Variants in USP34 observed in about 807,000 individuals in gnomAD.
USP34 encodes ubiquitin carboxyl-terminal hydrolase 34.
A neutral mutation model predicts 460.3 loss-of-function variants in USP34; 70 were observed. The ratio of observed to expected loss-of-function variants is 0.15; its 90% CI spans 0.13 to 0.19. USP34 has a LOEUF of 0.19. Among genes scored for constraint, USP34 ranks in the 10% least tolerant of loss-of-function variants. The pLI, the probability that USP34 is intolerant of heterozygous loss-of-function variation, is 1.00. For synonymous variants in USP34, 1,647 were observed against 1,405.3 expected, an observed-to-expected ratio of 1.17 and a Z score of -3.85; for missense variants, 3,985 against 4,236.2, an observed-to-expected ratio of 0.94 and a Z score of 1.65.
intron 43 of USP34, among the ~76,000 whole-genome samples, chr2:61,262,865 T>G (rs1301258941): frequency 6.6e-6 from 1 of 152,220 alleles, no homozygotes; most frequent in Non-Finnish European, 1.5e-5. Flanking sequence ...GACTTTTTAT[T>G]AACAGCTATT....
intron 8 of USP34, among the ~76,000 whole-genome samples, chr2:61,373,497 G>T (rs1212693140): frequency 6.6e-6 from 1 of 151,488 alleles, no homozygotes; most frequent in East Asian, 1.9e-4. Flanking sequence ...AGGTTCAGTG[G>T]TTATACCAAT....
chr2:61,335,864 T>C (rs1691400442), intron 18 of USP34, among the ~76,000 whole-genome samples: 1 of 152,210 alleles, frequency 6.6e-6, no homozygotes, highest in South Asian at 2.1e-4. Context: ...GTTTGTGTTG[T>C]AACCAAAAGC....
intron 2 of USP34, 50 bp downstream of exon 2, chr2:61,420,685 AAATCGCAACTT>A: frequency 2.3e-6 from 3 of 1,313,482 alleles, no homozygotes. Flanking sequence ...GTGACAATAA[AAATCGCAACTT>A]ATAACACAAC....
chr2:61,236,512 T>A (rs1437891503), intron 53 of USP34, 123 bp from the exon 54 acceptor site: 2 of 695,984 alleles, frequency 2.9e-6, no homozygotes, highest in African/African-American at 3.6e-5. Flanking sequence ...CCATGCACTT[T>A]AAGTTCATTT....
intron 42 of USP34, 100 bp from the exon 43 acceptor site, chr2:61,265,657 A>C: frequency 2.1e-5 from 22 of 1,052,242 alleles, no homozygotes; most frequent in Non-Finnish European, 2.5e-5. Context: ...TAGTTACCTC[A>C]TTAATATATA....
rs1447437329 is a variant in USP34 at position 61,459,151 on chromosome 2, T to A, written c.43+11499A>T. On this transcript the variant is annotated intron_variant, in intron 1 of 79. Transcript: ENST00000398571. ...TTCCTTTAATGGTTTCTTATGAGTTTCCCAACTTCCACAGTCAGGGTCCTC... is the reference window on the plus strand; with the variant it reads ...TTCCTTTAATGGTTTCTTATGAGTTACCCAACTTCCACAGTCAGGGTCCTC... Among the ~76,000 whole-genome samples the A allele has an allele frequency of 2.6e-5, 4 of 152,100 alleles. No homozygotes were observed. In the East Asian group the frequency reaches 7.7e-4, roughly 29 times the overall value.
intron 18 of USP34, among the ~76,000 whole-genome samples, chr2:61,338,500 GA>G (rs1691495165): frequency 6.6e-6 from 1 of 152,170 alleles, no homozygotes; most frequent in East Asian, 1.9e-4. Context: ...TTCAATAGGG[GA>G]AAAAAATATT....
At chr2:61,381,157 G>A (rs1286243427) in intron 6 of USP34, among the ~76,000 whole-genome samples, 2 of 149,490 alleles carry the variant, frequency 1.3e-5, no homozygotes, top group Non-Finnish European at 3.0e-5. Flanking sequence ...ATTGTCCTAT[G>A]ACCCTGCCAA....
intron 39 of USP34, among the ~76,000 whole-genome samples, chr2:61,279,484 A>G (rs903879316): frequency 2.6e-5 from 4 of 151,916 alleles, no homozygotes; most frequent in Non-Finnish European, 5.9e-5. Context: ...TTTTTTTTTG[A>G]GACGGAGTTT....
chr2:61,301,549 T>C (rs1690225546), intron 27 of USP34, 95 bp from the exon 28 acceptor site: 1 of 1,060,328 alleles, frequency 9.4e-7, no homozygotes, highest in Non-Finnish European at 1.4e-6. Context: ...ACACACTGTA[T>C]GTTAAGTTTA....
chr2:61,299,125 T>G (rs577298762), intron 29 of USP34, among the ~76,000 whole-genome samples: 1 of 152,070 alleles, frequency 6.6e-6, no homozygotes, highest in Non-Finnish European at 1.5e-5. Context: ...TTCTTGGGAA[T>G]TTAAGAATGT....
chr2:61,351,700 A>G (rs1357082688), intron 10 of USP34, among the ~76,000 whole-genome samples: 1 of 152,184 alleles, frequency 6.6e-6, no homozygotes, highest in African/African-American at 2.4e-5. Flanking sequence ...GTAAATATGC[A>G]CAACCTAATA....
In USP34 at chr2:61,434,910, G is replaced by T. The variant is rs574402667; in HGVS notation, c.44-14077C>A. ...AGAAATATATAAAATGCCAGAAAAA[G>T]AACTCAAAATAACGATCTTAAGGAA... On this transcript the variant is annotated intron_variant, in intron 1 of 79. Transcript: ENST00000398571. Among the ~76,000 whole-genome samples the T allele has an allele frequency of 8.5e-5, 13 of 152,136 alleles. 1 individual carries two copies. The South Asian group carries it at 2.3e-3, about 27-fold the overall frequency.
intron 21 of USP34, among the ~76,000 whole-genome samples, chr2:61,321,255 G>A (rs1451095579): frequency 6.6e-6 from 1 of 151,772 alleles, no homozygotes; most frequent in Non-Finnish European, 1.5e-5. Flanking sequence ...GGCAGATCAT[G>A]AGGTCAGGAG....
chr2:61,190,093 T>TAGC, intron 78 of USP34, 178 bp downstream of exon 78: 1 of 638,310 alleles, frequency 1.6e-6, no homozygotes, highest in Non-Finnish European at 2.5e-6. Flanking sequence ...GGTGATAGAG[T>TAGC]GTGCTGTGTA....
intron 3 of USP34, among the ~76,000 whole-genome samples, chr2:61,396,968 G>A (rs1287719573): frequency 2.6e-5 from 4 of 152,060 alleles, no homozygotes; most frequent in Admixed American, 6.6e-5. Flanking sequence ...TGAAAATAAG[G>A]TAGAATCTTA....
intron 1 of USP34, among the ~76,000 whole-genome samples, chr2:61,445,257 C>T (rs3980929): frequency 2.0e-5 from 3 of 148,454 alleles, no homozygotes; most frequent in South Asian, 2.1e-4. Flanking sequence ...AAATGCTGGC[C>T]GGGCCCGGTG....
chr2:61,349,590 C>A (rs1691882129), intron 12 of USP34, among the ~76,000 whole-genome samples: 1 of 152,032 alleles, frequency 6.6e-6, no homozygotes, highest in Non-Finnish European at 1.5e-5. Flanking sequence ...CCTGTAACCC[C>A]AGCATTTTAG....
chr2:61,265,194 GAACTA>G lies in USP34; in HGVS notation c.5778+198_5778+202del, dbSNP rs1689012109. On this transcript the variant is annotated intron_variant, in intron 43 of 79. Transcript: ENST00000398571. ...ATTCCATAGCTGTGTTTTCCTTTGA[GAACTA>G]AACTGTACTACAGCATTATGAGTAA... 6 of 561,822 alleles carry G rather than the reference GAACTA, an allele frequency of 1.1e-5. No individual in the cohort carries two copies. In the East Asian group the frequency reaches 1.3e-4, roughly 12 times the overall value. 34.8% of individuals were successfully genotyped at this position (561,822 alleles called of 1,614,324 possible). A position where few individuals can be genotyped will look rare whatever the true frequency, so the allele number is the denominator to read the frequency against.
Sources: gnomAD v4.1 joint callset for allele counts (sites outside exome capture counted in the v4.1 genomes callset) on GRCh38, gnomAD v4.1.1 for gene constraint, MANE v1.5 for transcripts, NCBI Gene and HGNC (gene_info 2026-07-23, HGNC 2026-07-21) for gene names.